DYNLT2: variants seen among roughly 807,000 people sequenced by gnomAD.
DYNLT2 encodes dynein light chain Tctex-type 2, also known as dynein light chain Tctex-type protein 2.
In DYNLT2, 24 loss-of-function variants were observed where a neutral mutation model predicts 24.3. The observed-to-expected ratio is 0.99, with a 90% CI of 0.71 to 1.39. The LOEUF is 1.39. Ranked by LOEUF, DYNLT2 falls within the 40% of genes most tolerant of loss-of-function variation. DYNLT2 has a pLI of 0.00. For synonymous variants in DYNLT2, 85 were observed against 85.4 expected, an observed-to-expected ratio of 1.00 and a Z score of 0.03; for missense variants, 246 against 234.5, an observed-to-expected ratio of 1.05 and a Z score of -0.32.
the DYNLT2 span, among the ~76,000 whole-genome samples, chr6:169,730,655 G>T: frequency 6.6e-6 from 1 of 152,208 alleles, no homozygotes. Context: ...AGCACTTTGG[G>T]AGGCCGAGGC....
chr6:169,728,680 T>G, the DYNLT2 span, among the ~76,000 whole-genome samples: 1 of 152,160 alleles, frequency 6.6e-6, no homozygotes, highest in African/African-American at 2.4e-5. Context: ...TAAAACTAAT[T>G]TATTTAGTAT....
intron 1 of DYNLT2, chr6:169,751,075 C>T: frequency 2.5e-6 from 1 of 397,440 alleles, no homozygotes; most frequent in Non-Finnish European, 4.5e-6. Flanking sequence ...AAAAGAAGAT[C>T]TTGTAACCAC....
chr6:169,733,961 T>C, the DYNLT2 span, among the ~76,000 whole-genome samples: 1,704 of 152,304 alleles, frequency 0.011, 29 homozygotes, highest in African/African-American at 0.039. Flanking sequence ...TCTTATTTCC[T>C]TGAGCAGTGG....
At chr6:169,731,734 T>C in the DYNLT2 span, among the ~76,000 whole-genome samples, 4 of 152,098 alleles carry the variant, frequency 2.6e-5, no homozygotes, top group African/African-American at 4.8e-5. Flanking sequence ...ATATAACAAA[T>C]GGAAAATTGA....
At chr6:169,739,221 T>C (rs1006595070), downstream of DYNLT2, among the ~76,000 whole-genome samples, 20 of 151,286 alleles carry the variant, frequency 1.3e-4, no homozygotes, top group African/African-American at 4.4e-4. Context: ...TTTTTTTTTT[T>C]TTTTTTTAAG....
intron 1 of DYNLT2, among the ~76,000 whole-genome samples, chr6:169,745,279 T>C (rs765143643): frequency 6.6e-6 from 1 of 152,086 alleles, no homozygotes; most frequent in Non-Finnish European, 1.5e-5. Context: ...TGTTGTTGTA[T>C]TTTTAGTAGA....
intron 1 of DYNLT2, 34 bp downstream of exon 1, chr6:169,751,305 G>T: frequency 6.2e-7 from 1 of 1,602,158 alleles, no homozygotes; most frequent in Non-Finnish European, 8.5e-7. Flanking sequence ...GTCGGACATA[G>T]CCGTCTCGGG....
downstream of DYNLT2, chr6:169,738,783 A>C (rs1412455771): frequency 6.6e-6 from 1 of 152,366 alleles, no homozygotes; most frequent in African/African-American, 2.4e-5. Context: ...ACTTAAAATC[A>C]TGGCGCAAGG....
the DYNLT2 span, among the ~76,000 whole-genome samples, chr6:169,732,128 A>G: frequency 1.3e-5 from 2 of 152,086 alleles, no homozygotes; most frequent in Non-Finnish European, 2.9e-5. Context: ...CCTTTTAAAG[A>G]GGTTTTTGGC....
chr6:169,728,437 G>A, the DYNLT2 span, among the ~76,000 whole-genome samples: 1 of 152,148 alleles, frequency 6.6e-6, no homozygotes, highest in Admixed American at 6.5e-5. Flanking sequence ...AGTCTAGAGG[G>A]GTAAAAGGCA....
chr6:169,751,271 C>T, intron 1 of DYNLT2, 68 bp downstream of exon 1: 1 of 1,552,898 alleles, frequency 6.4e-7, no homozygotes, highest in East Asian at 2.3e-5. Flanking sequence ...GCGGGGCCCA[C>T]TGGGGAGCGA....
intron 1 of DYNLT2, among the ~76,000 whole-genome samples, chr6:169,746,970 GT>G (rs979509900): frequency 1.3e-5 from 2 of 149,636 alleles, no homozygotes; most frequent in African/African-American, 4.9e-5. Context: ...GGGGGCAGCA[GT>G]TTGTCCTGTG....
At chr6:169,731,433 G>A in the DYNLT2 span, among the ~76,000 whole-genome samples, 1 of 152,164 alleles carries the variant, frequency 6.6e-6, no homozygotes. Flanking sequence ...TGTAAGGTAT[G>A]GAGATGAGAC....
chr6:169,744,720 A>C (rs1343388761), intron 1 of DYNLT2, among the ~76,000 whole-genome samples: 1 of 152,220 alleles, frequency 6.6e-6, no homozygotes. Flanking sequence ...ATTTTTAAAT[A>C]ATACAATTAT....
At chr6:169,729,006 T>G in the DYNLT2 span, among the ~76,000 whole-genome samples, 1 of 152,252 alleles carries the variant, frequency 6.6e-6, no homozygotes, top group Non-Finnish European at 1.5e-5. Flanking sequence ...ATTCATAAAA[T>G]GATGAAACCA....
At chr6:169,741,507 G>T (rs1789678439) in intron 3 of DYNLT2, among the ~76,000 whole-genome samples, 1 of 152,178 alleles carries the variant, frequency 6.6e-6, no homozygotes, top group East Asian at 1.9e-4. Flanking sequence ...CTGACTCACA[G>T]AAAGTAAGCA....
chr6:169,735,424 T>G (rs796330093), downstream of DYNLT2, among the ~76,000 whole-genome samples: 14 of 152,342 alleles, frequency 9.2e-5, no homozygotes, highest in African/African-American at 3.4e-4. Flanking sequence ...AGGCATTTAG[T>G]GCTGTAAATT....
At chr6:169,732,402 C>T in the DYNLT2 span, among the ~76,000 whole-genome samples, 1 of 152,242 alleles carries the variant, frequency 6.6e-6, no homozygotes, top group East Asian at 1.9e-4. Flanking sequence ...TGGTGGTTTG[C>T]TGCATCTGTT....
chr6:169,734,298 T>C, the DYNLT2 span, among the ~76,000 whole-genome samples: 1 of 152,236 alleles, frequency 6.6e-6, no homozygotes. Flanking sequence ...CTGATTGCCC[T>C]GGCCAGAACT....
Sources: allele counts gnomAD v4.1 joint callset (sites outside exome capture counted in the v4.1 genomes callset), GRCh38; gene constraint gnomAD v4.1.1; transcripts MANE v1.5; gene names NCBI Gene and HGNC (gene_info 2026-07-23, HGNC 2026-07-21).